The following CACNB2 variants were observed in gnomAD, a reference collection of about 807,000 sequenced individuals.
CACNB2 encodes the protein calcium voltage-gated channel auxiliary subunit beta 2.
CACNB2 carries 42 observed loss-of-function variants against 73.3 expected under a neutral mutation model. That is an observed-to-expected ratio of 0.57 (90% CI 0.45 to 0.74). The LOEUF is 0.74. CACNB2 is among the 30% of genes least tolerant of loss of function. The pLI is 0.00. For missense variants in CACNB2, 940 were observed against 853.0 expected, an observed-to-expected ratio of 1.10 and a Z score of -1.27; for synonymous variants, 348 against 310.3, an observed-to-expected ratio of 1.12 and a Z score of -1.28.
At chr10:18,142,137 C>A (rs911456011) in intron 1 of CACNB2, among the ~76,000 whole-genome samples, 2 of 152,166 alleles carry the variant, frequency 1.3e-5, no homozygotes, top group African/African-American at 2.4e-5. Context: ...CATGGCAGTT[C>A]CAAGTGGCAT....
intron 2 of CACNB2, among the ~76,000 whole-genome samples, chr10:18,156,037 A>G (rs958686829): frequency 2.6e-5 from 4 of 152,058 alleles, no homozygotes; most frequent in Non-Finnish European, 5.9e-5. Context: ...TTCTGTAGCA[A>G]TTTAATTAAA....
At chr10:18,181,490 T>C (rs529588404) in intron 2 of CACNB2, among the ~76,000 whole-genome samples, 3 of 152,252 alleles carry the variant, frequency 2.0e-5, no homozygotes, top group African/African-American at 4.8e-5. Context: ...GAAAATTACC[T>C]ATTTGCAGTA....
chr10:18,356,989 G>C (rs1338408490), intron 2 of CACNB2, among the ~76,000 whole-genome samples: 2 of 120,006 alleles, frequency 1.7e-5, no homozygotes, highest in East Asian at 4.4e-4. Flanking sequence ...CTGTCGCCCA[G>C]GCTGGAGTGC....
intron 6 of CACNB2, among the ~76,000 whole-genome samples, chr10:18,507,601 A>T (rs1423103180): frequency 6.6e-6 from 1 of 152,060 alleles, no homozygotes; most frequent in African/African-American, 2.4e-5. Context: ...AGAACATGGA[A>T]TTCTATATAG....
At chr10:18,338,910 T>TA (rs1182974979) in intron 2 of CACNB2, among the ~76,000 whole-genome samples, 1 of 151,926 alleles carries the variant, frequency 6.6e-6, no homozygotes, top group East Asian at 1.9e-4. Context: ...AGCTAATTTT[T>TA]AAATTTTTTT....
intron 2 of CACNB2, among the ~76,000 whole-genome samples, chr10:18,315,262 A>C (rs925711569): frequency 6.6e-6 from 1 of 152,000 alleles, no homozygotes; most frequent in African/African-American, 2.4e-5. Flanking sequence ...CAAACTTGGG[A>C]GGTGGAGGTT....
At chr10:18,475,618 TC>T (rs1193822656) in intron 3 of CACNB2, among the ~76,000 whole-genome samples, 2 of 152,136 alleles carry the variant, frequency 1.3e-5, no homozygotes, top group African/African-American at 4.8e-5. Flanking sequence ...ACCTTATTGA[TC>T]CTCCCCCTGA....
At chr10:18,509,222 C>T (rs956360028) in intron 6 of CACNB2, among the ~76,000 whole-genome samples, 5 of 152,240 alleles carry the variant, frequency 3.3e-5, no homozygotes, top group African/African-American at 1.2e-4. Context: ...ACTGCTCCAA[C>T]TATCAAGTGT....
chr10:18,263,466 A>G (rs913045506), intron 2 of CACNB2, among the ~76,000 whole-genome samples: 1 of 152,226 alleles, frequency 6.6e-6, no homozygotes, highest in African/African-American at 2.4e-5. Context: ...ATTTATATAC[A>G]TACATGTATG....
At chr10:18,354,779 A>G (rs2041845364) in intron 2 of CACNB2, among the ~76,000 whole-genome samples, 1 of 152,076 alleles carries the variant, frequency 6.6e-6, no homozygotes, top group African/African-American at 2.4e-5. Context: ...TATCTGCATA[A>G]TCTACACAGG....
chr10:18,247,785 T>C (rs564706903), intron 2 of CACNB2, among the ~76,000 whole-genome samples: 8 of 152,280 alleles, frequency 5.3e-5, no homozygotes, highest in Non-Finnish European at 4.4e-5. Context: ...GATCTTTTAC[T>C]CCATTACCTT....
intron 6 of CACNB2, 78 bp downstream of exon 6, chr10:18,506,625 C>T (rs941248141): frequency 1.5e-5 from 13 of 890,260 alleles, no homozygotes; most frequent in African/African-American, 8.2e-5. Context: ...TGTGAATTTA[C>T]GTATACACTG....
At chr10:18,513,539 G>T in intron 6 of CACNB2, 1 of 396,504 alleles carries the variant, frequency 2.5e-6, no homozygotes, top group South Asian at 2.0e-5. Context: ...ACGTTCATTA[G>T]CAGTTCCTGG....
intron 8 of CACNB2, 51 bp from the exon 9 acceptor site, chr10:18,518,859 G>C: frequency 6.7e-7 from 1 of 1,487,492 alleles, no homozygotes. Flanking sequence ...TTTTATCATC[G>C]TTAGTAATTT....
chr10:18,356,326 C>G (rs1270966239), intron 2 of CACNB2, among the ~76,000 whole-genome samples: 2 of 152,220 alleles, frequency 1.3e-5, no homozygotes, highest in East Asian at 1.9e-4. Flanking sequence ...ACCCTGTGCT[C>G]TGTCTCACTC....
chr10:18,212,048 G>C (rs911184163), intron 2 of CACNB2, among the ~76,000 whole-genome samples: 1 of 152,086 alleles, frequency 6.6e-6, no homozygotes, highest in Non-Finnish European at 1.5e-5. Flanking sequence ...AATCCTCCAG[G>C]CCTCAGGTGT....
chr10:18,178,852 G>A (rs1228784874), intron 2 of CACNB2, among the ~76,000 whole-genome samples: 1 of 152,226 alleles, frequency 6.6e-6, no homozygotes, highest in Non-Finnish European at 1.5e-5. Context: ...AGAGAGGTTG[G>A]ATAGGTCTGG....
chr10:18,390,587 G>A (rs2043425871), intron 2 of CACNB2, among the ~76,000 whole-genome samples: 1 of 152,150 alleles, frequency 6.6e-6, no homozygotes, highest in African/African-American at 2.4e-5. Context: ...CAGTTATTCA[G>A]TTGCATTCCT....
chr10:18,205,921 G>T, intron 2 of CACNB2, among the ~76,000 whole-genome samples: 1 of 152,150 alleles, frequency 6.6e-6, no homozygotes, highest in Non-Finnish European at 1.5e-5. Context: ...TACCTCTGTG[G>T]GGTGGGTCCA....
Sources: allele counts gnomAD v4.1 joint callset (sites outside exome capture counted in the v4.1 genomes callset), GRCh38; gene constraint gnomAD v4.1.1; transcripts MANE v1.5; gene names NCBI Gene and HGNC (gene_info 2026-07-23, HGNC 2026-07-21).